The following ERO1B variants were observed in gnomAD, a reference collection of about 807,000 sequenced individuals.
ERO1B encodes the protein ERO1-like protein beta.
In ERO1B, 49 loss-of-function variants were observed where a neutral mutation model predicts 75.3. The observed-to-expected ratio is 0.65, with a 90% CI of 0.52 to 0.83. The LOEUF is 0.83. Among genes scored for constraint, ERO1B ranks in the 40% least tolerant of loss-of-function variants. ERO1B has a pLI of 0.00. For synonymous variants in ERO1B, 191 were observed against 192.9 expected, an observed-to-expected ratio of 0.99 and a Z score of 0.08; for missense variants, 512 against 560.1, an observed-to-expected ratio of 0.91 and a Z score of 0.87.
In ERO1B at chr1:236,217,174, C is replaced by T. The variant is rs1211920886; in HGVS notation, c.*1342G>A. 1.3e-5 allele frequency: 2 copies of T among 151,960 alleles called. No individual in the cohort carries two copies. The highest frequency in any genetic ancestry group is 4.8e-5 in the African/African-American group (2 of 41,382). The allele number at this position is 151,960 out of a possible 1,614,324, so 9.4% of individuals were successfully genotyped here. ...AGGATAAAATATGGATTTAAGAGCACTTATTCTTTAATTCAGAAAAGACTA... is the reference window on the plus strand; with the variant it reads ...AGGATAAAATATGGATTTAAGAGCATTTATTCTTTAATTCAGAAAAGACTA... On this transcript the variant is annotated 3_prime_UTR_variant, in exon 16 of 16. Coordinates refer to ENST00000354619, the MANE Select transcript of ERO1B (RefSeq NM_019891.4).
chr1:236,277,002 G>T (rs139516210), intron 1 of ERO1B, among the ~76,000 whole-genome samples: 1 of 152,172 alleles, frequency 6.6e-6, no homozygotes, highest in East Asian at 1.9e-4. Context: ...TTCCCCGATT[G>T]TAAGTTTCCT....
intron 9 of ERO1B, among the ~76,000 whole-genome samples, chr1:236,232,404 C>T (rs1191678007): frequency 6.6e-6 from 1 of 152,140 alleles, no homozygotes; most frequent in Non-Finnish European, 1.5e-5. Flanking sequence ...ATTCAATAAT[C>T]AATTGTTAAT....
rs1352111061 is a variant in ERO1B at position 236,269,899 on chromosome 1, C to A, written c.198G>T (p.Glu66Asp). The A allele has an allele frequency of 1.3e-6, 2 of 1,595,102 alleles. No individual in the cohort carries two copies. The highest frequency in any genetic ancestry group is 2.2e-5 in the South Asian group (2 of 90,600). The change falls in exon 2 of 16, where the codon GAG becomes GAT. Residue 66 changes from glutamate to aspartate, a missense_variant. Transcript: ENST00000354619. The stretch of plus-strand genomic sequence containing the variant: ...CCTTGTAATAACGAAAATAGTCTCT[C>A]TCTTGCAATTTTTTTATTTTGGGGA... The part of the protein sequence containing the change: ...KIFPKIKKLQ[E>D]RDYFRYYKVN...
Position 236,268,296 on chromosome 1 carries a change from C to T in ERO1B, c.222+1579G>A, listed in dbSNP as rs986348423. ...CTCTACTAAAAATACAAAAATTAGC[C>T]AGGCGTGGTGGTGGGCGCCTGTAAT... On this transcript the variant is annotated intron_variant, in intron 2 of 15. Coordinates refer to ENST00000354619, the MANE Select transcript of ERO1B (RefSeq NM_019891.4). Among the ~76,000 whole-genome samples, 29 of 152,070 alleles carry T rather than the reference C, an allele frequency of 1.9e-4. No individual in the cohort carries two copies. In the East Asian group the frequency reaches 5.2e-3, roughly 27 times the overall value.
intron 1 of ERO1B, among the ~76,000 whole-genome samples, chr1:236,276,036 G>A (rs1212988343): frequency 6.6e-6 from 1 of 152,216 alleles, no homozygotes; most frequent in African/African-American, 2.4e-5. Flanking sequence ...CGAGAAAAGT[G>A]TGTGCTAGGT....
At position 236,265,541 on chromosome 1, in the gene ERO1B, A is replaced by G. The variant is rs376785070; in HGVS notation, c.222+4334T>C. Among the ~76,000 whole-genome samples, 4 of 152,298 alleles carry G rather than the reference A, an allele frequency of 2.6e-5. 1 individual carries two copies. The South Asian group carries it at 8.3e-4, about 32-fold the overall frequency. ...ATTTTCTACATTTTTCAGCTGCAGC[A>G]TTCTATTGCAAATCTGTATTGTTTT... On this transcript the variant is annotated intron_variant, in intron 2 of 15. Transcript: ENST00000354619.
intron 1 of ERO1B, among the ~76,000 whole-genome samples, chr1:236,274,413 TTTC>T (rs1665666010): frequency 6.6e-6 from 1 of 152,240 alleles, no homozygotes; most frequent in Non-Finnish European, 1.5e-5. Flanking sequence ...CACATTTATA[TTTC>T]TTCTTGTGTA....
chr1:236,277,646 A>G (rs1572074210), intron 1 of ERO1B, among the ~76,000 whole-genome samples: 2 of 152,286 alleles, frequency 1.3e-5, no homozygotes, highest in East Asian at 3.9e-4. Context: ...AAATGGATAG[A>G]TATGGGTTAC....
intron 5 of ERO1B, among the ~76,000 whole-genome samples, chr1:236,248,920 T>A (rs959736890): frequency 2.6e-5 from 4 of 152,160 alleles, no homozygotes; most frequent in African/African-American, 9.7e-5. Flanking sequence ...GATATGTATG[T>A]GGGTGTTTAT....
intron 2 of ERO1B, among the ~76,000 whole-genome samples, chr1:236,267,073 A>C (rs1197959392): frequency 6.6e-6 from 1 of 152,240 alleles, no homozygotes; most frequent in Non-Finnish European, 1.5e-5. Context: ...ACTGTCAACC[A>C]AGGTGTCCTT....
chr1:236,275,818 C>T (rs1665698746), intron 1 of ERO1B, among the ~76,000 whole-genome samples: 2 of 152,134 alleles, frequency 1.3e-5, no homozygotes, highest in Admixed American at 1.3e-4. Context: ...TCTATGTCAG[C>T]AATCAGAAAT....
intron 1 of ERO1B, among the ~76,000 whole-genome samples, chr1:236,279,515 A>AAAAAAAC (rs1558525562): frequency 7.0e-6 from 1 of 142,342 alleles, no homozygotes; most frequent in Admixed American, 7.1e-5. Context: ...AAAAAAAAAA[A>AAAAAAAC]AAAAACAGCA....
chr1:236,271,998 A>G (rs547663047), intron 1 of ERO1B, among the ~76,000 whole-genome samples: 2 of 152,300 alleles, frequency 1.3e-5, no homozygotes, highest in South Asian at 2.1e-4. Flanking sequence ...AAACCTGTGT[A>G]TCACCAAAAA....
chr1:236,248,704 C>T (rs899598731), intron 5 of ERO1B, among the ~76,000 whole-genome samples: 2 of 152,018 alleles, frequency 1.3e-5, no homozygotes, highest in Middle Eastern at 3.2e-3. Flanking sequence ...ATAAAACTAT[C>T]TTATTTATAC....
chr1:236,255,102 C>CTT (rs879908403), intron 2 of ERO1B, among the ~76,000 whole-genome samples: 22 of 84,650 alleles, frequency 2.6e-4, no homozygotes, highest in Admixed American at 2.4e-3. Context: ...TTTTTTCTTT[C>CTT]TTTTTTTTTT....
rs145174192 is a variant in ERO1B at position 236,253,968 on chromosome 1, G to T, written c.223-463C>A. On this transcript the variant is annotated intron_variant, in intron 2 of 15. Coordinates refer to ENST00000354619, the MANE Select transcript of ERO1B (RefSeq NM_019891.4). The stretch of plus-strand genomic sequence containing the variant: ...TGCTACAAAGAAAATCCAGAGAACT[G>T]TAATAGTGAGGCTAGCGGATGGAGG... Among the ~76,000 whole-genome samples, 14 of 152,326 alleles carry T rather than the reference G, an allele frequency of 9.2e-5. 1 individual carries two copies. In the East Asian group the frequency reaches 2.7e-3, roughly 29 times the overall value.
At chr1:236,272,250 A>G (rs1665607815) in intron 1 of ERO1B, among the ~76,000 whole-genome samples, 1 of 152,194 alleles carries the variant, frequency 6.6e-6, no homozygotes, top group African/African-American at 2.4e-5. Flanking sequence ...AGACACCTGC[A>G]CTTGAACGTT....
At chr1:236,272,984 C>T (rs1022115518) in intron 1 of ERO1B, among the ~76,000 whole-genome samples, 2 of 152,114 alleles carry the variant, frequency 1.3e-5, no homozygotes, top group Non-Finnish European at 2.9e-5. Flanking sequence ...ACTCTTGATG[C>T]ATACAGTAGA....
At chr1:236,233,179 T>C (rs930023574) in intron 8 of ERO1B, among the ~76,000 whole-genome samples, 1 of 151,716 alleles carries the variant, frequency 6.6e-6, no homozygotes, top group Non-Finnish European at 1.5e-5. Flanking sequence ...CATGGTGGCA[T>C]GTACCTGTAA....
Sources: gnomAD v4.1 joint callset for allele counts (sites outside exome capture counted in the v4.1 genomes callset) on GRCh38, gnomAD v4.1.1 for gene constraint, MANE v1.5 for transcripts, NCBI Gene and HGNC (gene_info 2026-07-23, HGNC 2026-07-21) for gene names.